Variants in SYNE1 observed in about 807,000 individuals in gnomAD.
The protein encoded by SYNE1 is nesprin-1.
Under a neutral mutation model 1,111.0 loss-of-function variants are expected in SYNE1, and 616 were observed. That is an observed-to-expected ratio of 0.55 (90% CI 0.52 to 0.59). The LOEUF is 0.59. Among genes scored for constraint, SYNE1 ranks in the 20% least tolerant of loss-of-function variants. The pLI is 0.00. For missense variants in SYNE1, 10,006 were observed against 10,417.0 expected, an observed-to-expected ratio of 0.96 and a Z score of 1.72; for synonymous variants, 3,855 against 3,825.8, an observed-to-expected ratio of 1.01 and a Z score of -0.28.
chr6:152,280,704 G>A (rs2093978891), intron 97 of SYNE1, among the ~76,000 whole-genome samples: 1 of 152,210 alleles, frequency 6.6e-6, no homozygotes, highest in African/African-American at 2.4e-5. Context: ...GTTAGTTTGG[G>A]TGGTAACTTC....
chr6:152,251,168 C>T (rs868157174), intron 104 of SYNE1, among the ~76,000 whole-genome samples: 2 of 151,914 alleles, frequency 1.3e-5, no homozygotes, highest in African/African-American at 2.4e-5. Flanking sequence ...CCAGGCTGGT[C>T]GCGAACTCCT....
At chr6:152,319,965 G>C (rs2095833008) in intron 84 of SYNE1, 1 of 152,072 alleles carries the variant, frequency 6.6e-6, no homozygotes, top group African/African-American at 2.4e-5. Flanking sequence ...TTGAGACCAG[G>C]CTGGCCAACA....
chr6:152,266,685 T>A (rs147053043), intron 100 of SYNE1, among the ~76,000 whole-genome samples: 1 of 152,348 alleles, frequency 6.6e-6, no homozygotes, highest in Non-Finnish European at 1.5e-5. Flanking sequence ...GTCAAAACTT[T>A]CACAGATTTT....
At chr6:152,462,677 C>G in intron 20 of SYNE1, 61 bp downstream of exon 20, 1 of 1,604,308 alleles carries the variant, frequency 6.2e-7, no homozygotes, top group Non-Finnish European at 8.5e-7. Flanking sequence ...TCTGAATAAA[C>G]TTGCTGATCT....
chr6:152,256,347 T>C (rs1160185493), intron 102 of SYNE1, among the ~76,000 whole-genome samples: 1 of 151,962 alleles, frequency 6.6e-6, no homozygotes, highest in Non-Finnish European at 1.5e-5. Context: ...GGAGAATCCC[T>C]TGAACCCAGG....
chr6:152,176,692 A>T, intron 129 of SYNE1, 132 bp from the exon 130 acceptor site: 1 of 882,330 alleles, frequency 1.1e-6, no homozygotes, highest in Non-Finnish European at 1.8e-6. Context: ...TACCATGTGG[A>T]TATCAGCCCA....
chr6:152,427,117 AT>A (rs1231148712), intron 38 of SYNE1, among the ~76,000 whole-genome samples: 1 of 152,138 alleles, frequency 6.6e-6, no homozygotes, highest in Non-Finnish European at 1.5e-5. Context: ...ATACTCAACG[AT>A]TTTCTTTCTT....
intron 27 of SYNE1, among the ~76,000 whole-genome samples, chr6:152,450,343 G>A (rs1025769150): frequency 6.6e-6 from 1 of 152,136 alleles, no homozygotes; most frequent in Non-Finnish European, 1.5e-5. Flanking sequence ...GCAGTCTCAG[G>A]TATGTCTTTA....
intron 100 of SYNE1, among the ~76,000 whole-genome samples, chr6:152,266,463 T>C (rs2092707279): frequency 6.6e-6 from 1 of 152,182 alleles, no homozygotes; most frequent in South Asian, 2.1e-4. Context: ...TCAATCAACA[T>C]GAAAGAAACA....
chr6:152,466,517 A>T (rs1466800238), intron 16 of SYNE1, among the ~76,000 whole-genome samples: 1 of 152,204 alleles, frequency 6.6e-6, no homozygotes, highest in Non-Finnish European at 1.5e-5. Context: ...ATGACGGTGC[A>T]CAAATGCTTC....
At chr6:152,535,417 G>A (rs1185267565) in intron 4 of SYNE1, among the ~76,000 whole-genome samples, 4 of 152,112 alleles carry the variant, frequency 2.6e-5, no homozygotes, top group Non-Finnish European at 5.9e-5. Context: ...TATTTAAAAT[G>A]TTCAGTGCCT....
intron 3 of SYNE1, among the ~76,000 whole-genome samples, chr6:152,603,965 T>C (rs1049297947): frequency 6.0e-5 from 9 of 149,036 alleles, no homozygotes; most frequent in African/African-American, 2.0e-4. Flanking sequence ...TAGATATAAA[T>C]ATGTATATCT....
intron 127 of SYNE1, among the ~76,000 whole-genome samples, chr6:152,197,701 A>G (rs1379487175): frequency 6.6e-6 from 1 of 152,168 alleles, no homozygotes; most frequent in Non-Finnish European, 1.5e-5. Context: ...GGCTTAAAAT[A>G]TCAGTAAAAC....
intron 3 of SYNE1, among the ~76,000 whole-genome samples, chr6:152,596,098 TAAAAAAAAAAA>T (rs71017542): frequency 2.7e-4 from 5 of 18,590 alleles, no homozygotes; most frequent in African/African-American, 5.0e-4. Context: ...AAGGGCAATC[TAAAAAAAAAAA>T]AAAAAAAAAA....
intron 14 of SYNE1, among the ~76,000 whole-genome samples, chr6:152,473,809 T>C (rs750905215): frequency 6.6e-6 from 1 of 152,202 alleles, no homozygotes; most frequent in Non-Finnish European, 1.5e-5. Context: ...CTAGCTCTGA[T>C]TTGTGACAGT....
At chr6:152,277,271 T>A (rs1216351145) in intron 98 of SYNE1, among the ~76,000 whole-genome samples, 1 of 125,790 alleles carries the variant, frequency 7.9e-6, no homozygotes, top group Admixed American at 7.6e-5. Flanking sequence ...TTTCTTTTTT[T>A]TTTTTTTTTT....
At chr6:152,480,032 A>G (rs1360370063) in intron 14 of SYNE1, among the ~76,000 whole-genome samples, 1 of 152,194 alleles carries the variant, frequency 6.6e-6, no homozygotes, top group African/African-American at 2.4e-5. Flanking sequence ...CAAAAACCAG[A>G]ATTACTTTTT....
At chr6:152,565,027 A>T (rs1249737304) in intron 3 of SYNE1, among the ~76,000 whole-genome samples, 1 of 152,224 alleles carries the variant, frequency 6.6e-6, no homozygotes, top group Non-Finnish European at 1.5e-5. Context: ...ACTCTTATTG[A>T]TTTAAACATG....
chr6:152,554,022 G>A (rs558459029), intron 3 of SYNE1, among the ~76,000 whole-genome samples: 1 of 152,014 alleles, frequency 6.6e-6, no homozygotes, highest in Non-Finnish European at 1.5e-5. Context: ...GGTATAACTT[G>A]AGAAAGGCAG....
Sources: allele counts gnomAD v4.1 joint callset (sites outside exome capture counted in the v4.1 genomes callset), GRCh38; gene constraint gnomAD v4.1.1; transcripts MANE v1.5; gene names NCBI Gene and HGNC (gene_info 2026-07-23, HGNC 2026-07-21).